Variants in PDGFRL observed in about 807,000 individuals in gnomAD.
The protein encoded by PDGFRL is platelet-derived growth factor receptor-like protein.
Under a neutral mutation model 37.2 loss-of-function variants are expected in PDGFRL, and 46 were observed. The observed-to-expected ratio is 1.24, with a 90% CI of 0.98 to 1.58. The LOEUF is 1.58. Among genes scored for constraint, PDGFRL ranks in the 40% most tolerant of loss-of-function variants. PDGFRL has a pLI of 0.00. For missense variants in PDGFRL, 692 were observed against 467.6 expected, an observed-to-expected ratio of 1.48 and a Z score of -4.43; for synonymous variants, 251 against 184.3, an observed-to-expected ratio of 1.36 and a Z score of -2.93.
At chr8:17,579,553 ATTG>A (rs770557390) in intron 1 of PDGFRL, among the ~76,000 whole-genome samples, 1,079 of 71,820 alleles carry the variant, frequency 0.015, 7 homozygotes, top group African/African-American at 0.039. Flanking sequence ...TTTTATTATT[ATTG>A]TTATTATTAT....
At chr8:17,636,382 C>G (rs1342893861) in intron 5 of PDGFRL, among the ~76,000 whole-genome samples, 2 of 152,092 alleles carry the variant, frequency 1.3e-5, no homozygotes, top group Non-Finnish European at 2.9e-5. Flanking sequence ...GTGTCCTTTC[C>G]CCATTTTATG....
chr8:17,578,682 C>T (rs2720574), intron 1 of PDGFRL, among the ~76,000 whole-genome samples: 1 of 151,990 alleles, frequency 6.6e-6, no homozygotes, highest in East Asian at 1.9e-4. Context: ...CCCAACTTGC[C>T]AGTCTTAGAG....
chr8:17,580,365 GA>G (rs774952562), intron 1 of PDGFRL, among the ~76,000 whole-genome samples: 1 of 152,054 alleles, frequency 6.6e-6, no homozygotes, highest in African/African-American at 2.4e-5. Context: ...ATATTTTAAT[GA>G]AAAAAAGAAT....
chr8:17,624,012 AT>A (rs566819820), intron 3 of PDGFRL, among the ~76,000 whole-genome samples: 405 of 152,272 alleles, frequency 2.7e-3, no homozygotes, highest in Non-Finnish European at 3.4e-3. Flanking sequence ...ATCAAAAAAA[AT>A]AAATGCTGTA....
intron 4 of PDGFRL, among the ~76,000 whole-genome samples, chr8:17,630,090 G>T (rs1416739335): frequency 6.6e-6 from 1 of 152,196 alleles, no homozygotes; most frequent in Admixed American, 6.5e-5. Context: ...ACTCCCATGG[G>T]AGGGTAGAGG....
At chr8:17,638,012 T>A (rs1355452002) in intron 5 of PDGFRL, among the ~76,000 whole-genome samples, 1 of 152,206 alleles carries the variant, frequency 6.6e-6, no homozygotes, top group Admixed American at 6.5e-5. Flanking sequence ...ATCAGCTTTT[T>A]GTTTATCTTT....
At chr8:17,578,157 A>T (rs915004185) in intron 1 of PDGFRL, among the ~76,000 whole-genome samples, 1 of 152,134 alleles carries the variant, frequency 6.6e-6, no homozygotes, top group Admixed American at 6.5e-5. Context: ...TGTACAGTAC[A>T]TGTTTCATCT....
chr8:17,576,660 C>T, upstream of PDGFRL: 6 of 965,080 alleles, frequency 6.2e-6, no homozygotes, highest in African/African-American at 1.8e-5. Context: ...CTGTAATGAA[C>T]CCGTCCTCCC....
intron 3 of PDGFRL, among the ~76,000 whole-genome samples, chr8:17,624,703 G>A (rs1393822159): frequency 6.6e-6 from 1 of 152,200 alleles, no homozygotes; most frequent in Non-Finnish European, 1.5e-5. Context: ...GAGGTCAGGA[G>A]TTCAAGACCA....
intron 5 of PDGFRL, among the ~76,000 whole-genome samples, chr8:17,640,891 G>A (rs891597456): frequency 6.6e-6 from 1 of 151,878 alleles, no homozygotes; most frequent in East Asian, 1.9e-4. Flanking sequence ...AAGACCATTA[G>A]TTGGGGGTGG....
chr8:17,640,452 C>A (rs1467012649), intron 5 of PDGFRL, among the ~76,000 whole-genome samples: 1 of 152,146 alleles, frequency 6.6e-6, no homozygotes, highest in Non-Finnish European at 1.5e-5. Flanking sequence ...TCTTCATATT[C>A]TTTTGTCCCA....
At chr8:17,585,491 C>G (rs1191786181) in intron 1 of PDGFRL, among the ~76,000 whole-genome samples, 1 of 152,168 alleles carries the variant, frequency 6.6e-6, no homozygotes, top group Non-Finnish European at 1.5e-5. Context: ...TTCCCACCTT[C>G]TCAGCTTTGT....
chr8:17,622,963 A>G (rs2129774054), intron 3 of PDGFRL, among the ~76,000 whole-genome samples: 1 of 152,086 alleles, frequency 6.6e-6, no homozygotes, highest in African/African-American at 2.4e-5. Flanking sequence ...TTTAGGCAAG[A>G]CCCCTGTGCA....
At chr8:17,577,332 A>T (rs1156297149) in intron 1 of PDGFRL, 25 bp downstream of exon 1, 2 of 1,598,194 alleles carry the variant, frequency 1.3e-6, no homozygotes, top group African/African-American at 2.7e-5. Flanking sequence ...GCGCGGGGCC[A>T]CCTAGCTTGT....
rs1038334540 is a variant in PDGFRL, at chr8:17,635,500, T to C, written c.939+1287T>C. Among the ~76,000 whole-genome samples the C allele has an allele frequency of 2.0e-5, 3 of 152,218 alleles. No homozygotes were observed. The East Asian group carries it at 5.8e-4, about 29-fold the overall frequency. ...GCTGAGTAGTATTCCATGGTATATA[T>C]ACTACATTTCTTTATCCACTCATTG... On this transcript the variant is annotated intron_variant, in intron 5 of 5. Transcript: ENST00000251630.
upstream of PDGFRL, chr8:17,577,044 C>A: frequency 1.5e-6 from 1 of 663,932 alleles, no homozygotes; most frequent in South Asian, 2.1e-5. Context: ...CACCGCGGCT[C>A]CGCCAGGGGG....
At chr8:17,625,189 G>A (rs919177754) in intron 3 of PDGFRL, among the ~76,000 whole-genome samples, 2 of 126,570 alleles carry the variant, frequency 1.6e-5, no homozygotes, top group South Asian at 4.9e-4. Flanking sequence ...GTCTCCCTCT[G>A]TTGCCAGATT....
intron 4 of PDGFRL, 50 bp downstream of exon 4, chr8:17,628,830 T>G (rs1185748055): frequency 7.7e-7 from 1 of 1,305,798 alleles, no homozygotes; most frequent in Admixed American, 1.7e-5. Context: ...CTGGTCAGTT[T>G]CAGGTACTGC....
chr8:17,577,681 C>A (rs1803616750), intron 1 of PDGFRL, among the ~76,000 whole-genome samples: 1 of 151,810 alleles, frequency 6.6e-6, no homozygotes, highest in Non-Finnish European at 1.5e-5. Flanking sequence ...CTCCCAGCGG[C>A]GTGGCTGGGA....
Sources: allele counts gnomAD v4.1 joint callset (sites outside exome capture counted in the v4.1 genomes callset), GRCh38; gene constraint gnomAD v4.1.1; transcripts MANE v1.5; gene names NCBI Gene and HGNC (gene_info 2026-07-23, HGNC 2026-07-21).